The following NIPA1 variants were observed in gnomAD, a reference collection of about 807,000 sequenced individuals.
The protein encoded by NIPA1 is magnesium transporter NIPA1.
In NIPA1, 13 loss-of-function variants were observed where a neutral mutation model predicts 23.9. The ratio of observed to expected loss-of-function variants is 0.54; its 90% CI spans 0.35 to 0.87. NIPA1 has a LOEUF of 0.87. NIPA1 is among the 40% of genes least tolerant of loss of function. The pLI is 0.01. For missense variants in NIPA1, 362 were observed against 429.7 expected, an observed-to-expected ratio of 0.84 and a Z score of 1.39; for synonymous variants, 234 against 202.9, an observed-to-expected ratio of 1.15 and a Z score of -1.30.
intron 4 of NIPA1, among the ~76,000 whole-genome samples, chr15:22,821,341 A>G (rs1056845771): frequency 6.6e-6 from 1 of 152,238 alleles, no homozygotes; most frequent in African/African-American, 2.4e-5. Flanking sequence ...ATTTCACTTT[A>G]AGTAGACCAC....
intron 1 of NIPA1, among the ~76,000 whole-genome samples, chr15:22,787,058 C>T (rs1027719372): frequency 1.3e-5 from 2 of 151,890 alleles, no homozygotes; most frequent in Non-Finnish European, 2.9e-5. Flanking sequence ...CAGGTGCGTC[C>T]TGAGCGTCCG....
rs1566790041 is a variant in NIPA1, at chr15:22,825,911, C to T, written c.*1672C>T. The T allele has an allele frequency of 1.3e-5, 2 of 152,556 alleles. No individual in the cohort carries two copies. Among genetic ancestry groups the T allele is most frequent in the Admixed American group, 1.3e-4 (2 of 15,276 alleles). The allele number at this position is 152,556 out of a possible 1,614,324, so 9.5% of individuals were successfully genotyped here. ...CCCATCCATGTGTTCCAAATGGGAG[C>T]ATAGCATGAAGTGATGCACATATTT... On this transcript the variant is annotated 3_prime_UTR_variant, in exon 5 of 5. Transcript: ENST00000337435.
rs1895593464 is a variant in NIPA1, at chr15:22,823,794, C to T, written c.545C>T (p.Ala182Val). Residue 182 changes from alanine to valine, a missense_variant, in exon 5 of 5, where the codon GCC (alanine) becomes GTC (valine). Transcript: ENST00000337435. Reference protein sequence around the residue: ...LLLLIFWIAPAHGPTNIMVYI... With the variant: ...LLLLIFWIAPVHGPTNIMVYI... Reference sequence around the variant, plus strand: ...CTGCTCATCTTCTGGATCGCGCCGGCCCATGGGCCCACCAACATCATGGTC... The same window carrying T: ...CTGCTCATCTTCTGGATCGCGCCGGTCCATGGGCCCACCAACATCATGGTC... The T allele has an allele frequency of 6.2e-7, 1 of 1,613,728 alleles. No individual in the cohort carries two copies. The highest frequency in any genetic ancestry group is 8.5e-7 in the Non-Finnish European group (1 of 1,179,902).
chr15:22,814,018 C>T, intron 3 of NIPA1: 2 of 785,046 alleles, frequency 2.5e-6, no homozygotes, highest in Non-Finnish European at 1.9e-6. Flanking sequence ...TTCCTTAGAA[C>T]TGTTCTCATG....
chr15:22,818,230 A>T (rs1021389973), intron 3 of NIPA1, among the ~76,000 whole-genome samples: 9 of 151,116 alleles, frequency 6.0e-5, no homozygotes, highest in African/African-American at 1.9e-4. Flanking sequence ...TGAGATCAGG[A>T]GTTCGAGACC....
intron 3 of NIPA1, among the ~76,000 whole-genome samples, chr15:22,816,486 C>T (rs371205139): frequency 0.27 from 11,615 of 43,582 alleles, 1,402 homozygotes; most frequent in Admixed American, 0.5. Context: ...CGCACCCAGC[C>T]TTTTTTTTTT....
At chr15:22,799,502 G>T (rs770356248) in intron 1 of NIPA1, among the ~76,000 whole-genome samples, 1 of 151,888 alleles carries the variant, frequency 6.6e-6, no homozygotes, top group Non-Finnish European at 1.5e-5. Flanking sequence ...AAAATTGGCC[G>T]GCCAGCGCAG....
chr15:22,803,889 C>T (rs1895142944), intron 1 of NIPA1, among the ~76,000 whole-genome samples: 1 of 151,704 alleles, frequency 6.6e-6, no homozygotes, highest in Non-Finnish European at 1.5e-5. Flanking sequence ...CTGTGTTAGC[C>T]AGAATGATCT....
intron 1 of NIPA1, among the ~76,000 whole-genome samples, chr15:22,805,049 C>A (rs867378939): frequency 6.6e-6 from 1 of 151,954 alleles, no homozygotes; most frequent in South Asian, 2.1e-4. Context: ...ACTGTGTTAG[C>A]CAGGATGGTC....
intron 3 of NIPA1, among the ~76,000 whole-genome samples, chr15:22,814,357 A>G (rs1465267246): frequency 6.6e-6 from 1 of 151,330 alleles, no homozygotes; most frequent in Admixed American, 6.6e-5. Context: ...TGCTGGGTTC[A>G]TGCCCGGCTA....
intron 1 of NIPA1, among the ~76,000 whole-genome samples, chr15:22,799,971 A>AGG (rs142105771): frequency 1.8e-5 from 2 of 113,278 alleles, no homozygotes; most frequent in African/African-American, 6.3e-5. Context: ...AAAAAAAAAA[A>AGG]GGGAAAGAAA....
chr15:22,793,663 A>G (rs113018243), intron 1 of NIPA1, among the ~76,000 whole-genome samples: 52 of 151,788 alleles, frequency 3.4e-4, no homozygotes, highest in African/African-American at 8.7e-4. Flanking sequence ...CTGGTCTCGA[A>G]CTCCTGACCT....
At chr15:22,790,939 G>GA (rs1472838058) in intron 1 of NIPA1, among the ~76,000 whole-genome samples, 1 of 152,100 alleles carries the variant, frequency 6.6e-6, no homozygotes, top group East Asian at 1.9e-4. Context: ...CCTTATGCTG[G>GA]AAAAAGTTGT....
At chr15:22,792,333 G>T (rs533307432) in intron 1 of NIPA1, among the ~76,000 whole-genome samples, 113 of 151,818 alleles carry the variant, frequency 7.4e-4, no homozygotes, top group African/African-American at 2.4e-3. Flanking sequence ...TCTCAGGAAA[G>T]CTGTGTGTTT....
At position 22,793,010 on chromosome 15, in the gene NIPA1, A is replaced by G. The variant is rs952446694; in HGVS notation, c.178+6176A>G. 1.7e-4 allele frequency among the ~76,000 whole-genome samples: 26 copies of G among 152,222 alleles called. 1 individual carries two copies. Among genetic ancestry groups the G allele is most frequent in the South Asian group, 1.0e-3 (5 of 4,818 alleles). On this transcript the variant is annotated intron_variant, in intron 1 of 4. Coordinates refer to ENST00000337435, the MANE Select transcript of NIPA1 (RefSeq NM_144599.5). ...GCGGGAGGCACAGGTTACAGTGGCC[A>G]AGATCACACCACTGCACTCCAGCCT...
intron 3 of NIPA1, among the ~76,000 whole-genome samples, chr15:22,816,224 C>T (rs1243809317): frequency 1.8e-5 from 2 of 112,460 alleles, no homozygotes; most frequent in African/African-American, 3.4e-5. Flanking sequence ...GAGTCTCACT[C>T]TGTCACCAGG....
intron 4 of NIPA1, among the ~76,000 whole-genome samples, chr15:22,822,733 A>G (rs1895564191): frequency 6.6e-6 from 1 of 151,896 alleles, no homozygotes; most frequent in Non-Finnish European, 1.5e-5. Context: ...AGGCTGAAGC[A>G]GGAGAATCGC....
At chr15:22,786,405 T>G (rs1182961757), upstream of NIPA1, among the ~76,000 whole-genome samples, 1 of 151,988 alleles carries the variant, frequency 6.6e-6, no homozygotes, top group East Asian at 1.9e-4. Flanking sequence ...TGCATTTCCA[T>G]TTGCGAAATC....
chr15:22,800,792 G>A (rs1447200946), intron 1 of NIPA1, among the ~76,000 whole-genome samples: 2 of 152,042 alleles, frequency 1.3e-5, no homozygotes, highest in African/African-American at 4.8e-5. Flanking sequence ...TTAGCCGGAC[G>A]TGGTGGCAGG....
Sources: allele counts gnomAD v4.1 joint callset (sites outside exome capture counted in the v4.1 genomes callset), GRCh38; gene constraint gnomAD v4.1.1; transcripts MANE v1.5; gene names NCBI Gene and HGNC (gene_info 2026-07-23, HGNC 2026-07-21).